The following CSNK1G3 variants were observed in gnomAD, a reference collection of about 807,000 sequenced individuals.
The protein encoded by CSNK1G3 is casein kinase 1 gamma 3, also known as casein kinase I isoform gamma-3.
Under a neutral mutation model 64.3 loss-of-function variants are expected in CSNK1G3, and 23 were observed. The ratio of observed to expected loss-of-function variants is 0.36; its 90% CI spans 0.26 to 0.51. The LOEUF (loss-of-function observed/expected upper bound fraction) is 0.51. Among genes scored for constraint, CSNK1G3 ranks in the 20% least tolerant of loss-of-function variants. The pLI is 0.96. For synonymous variants in CSNK1G3, 158 were observed against 162.2 expected (o/e 0.97, Z 0.20); for missense variants, 357 against 510.5 (o/e 0.70, Z 2.90).
rs547201882 is a variant in CSNK1G3, at chr5:123,521,744, T to A, written c.-248+9174T>A. On this transcript the variant is annotated intron_variant, in intron 1 of 12. Transcript: ENST00000345990. Reference sequence around the variant, plus strand: ...TAAAGATAGTTCATGCAGTCCTTGCTATGGGCTGGGAATGCTAACATTTAA... The same window carrying A: ...TAAAGATAGTTCATGCAGTCCTTGCAATGGGCTGGGAATGCTAACATTTAA... Among the ~76,000 whole-genome samples, 3 of 152,302 alleles carry A rather than the reference T, an allele frequency of 2.0e-5. No homozygotes were observed. In the South Asian group the frequency reaches 6.2e-4, roughly 32 times the overall value.
chr5:123,578,207 A>T (rs1182488143), intron 6 of CSNK1G3, among the ~76,000 whole-genome samples: 19 of 151,916 alleles, frequency 1.3e-4, no homozygotes, highest in Non-Finnish European at 1.5e-5. Context: ...GTCCTATGGC[A>T]GGTATTATTT....
chr5:123,552,343 A>G (rs1374483544), intron 2 of CSNK1G3, among the ~76,000 whole-genome samples: 3 of 151,930 alleles, frequency 2.0e-5, no homozygotes, highest in Non-Finnish European at 4.4e-5. Context: ...ACAGGATTTC[A>G]CCATGCTGGT....
At chr5:123,527,356 C>CA (rs1433724106) in intron 1 of CSNK1G3, among the ~76,000 whole-genome samples, 2 of 152,124 alleles carry the variant, frequency 1.3e-5, no homozygotes, top group African/African-American at 4.8e-5. Flanking sequence ...TTAAGGCTTT[C>CA]ATAGTTTGGA....
intron 10 of CSNK1G3, among the ~76,000 whole-genome samples, chr5:123,593,228 CAT>C (rs1554081856): frequency 3.4e-5 from 5 of 147,848 alleles, no homozygotes; most frequent in African/African-American, 7.5e-5. Flanking sequence ...CACACACACA[CAT>C]ATATATAATA....
intron 3 of CSNK1G3, among the ~76,000 whole-genome samples, chr5:123,553,855 T>C (rs1255778744): frequency 6.6e-6 from 1 of 152,234 alleles, no homozygotes; most frequent in African/African-American, 2.4e-5. Context: ...TTAGGTCCTA[T>C]TGTTTATAGA....
intron 1 of CSNK1G3, among the ~76,000 whole-genome samples, chr5:123,533,651 T>C (rs1780318848): frequency 6.6e-6 from 1 of 151,772 alleles, no homozygotes; most frequent in Non-Finnish European, 1.5e-5. Context: ...CCCCACTTTG[T>C]TCTTGTTTAT....
At chr5:123,593,200 TATAC>T (rs1193505035) in intron 10 of CSNK1G3, among the ~76,000 whole-genome samples, 9 of 91,748 alleles carry the variant, frequency 9.8e-5, no homozygotes, top group African/African-American at 3.2e-4. Flanking sequence ...TGTGTGTATA[TATAC>T]ACACACACAC....
Position 123,573,373 on chromosome 5 carries a change from G to A in CSNK1G3, c.290-20G>A. The A allele has an allele frequency of 6.2e-7, 1 of 1,609,602 alleles. No individual in the cohort carries two copies. Among genetic ancestry groups the A allele is most frequent in the African/African-American group, 1.3e-5 (1 of 74,916 alleles). The stretch of plus-strand genomic sequence containing the variant: ...ATTTAAGATGATGAAATTATTAAAT[G>A]AGTATTTCTTTTCCCCCAGATGGTA... On this transcript the variant is annotated intron_variant, in intron 4 of 12. Transcript: ENST00000345990.
chr5:123,574,618 C>G (rs894661322), intron 5 of CSNK1G3, among the ~76,000 whole-genome samples: 6 of 151,338 alleles, frequency 4.0e-5, no homozygotes, highest in African/African-American at 1.2e-4. Flanking sequence ...CCCAGGAGTT[C>G]AAGATCAATC....
intron 6 of CSNK1G3, among the ~76,000 whole-genome samples, chr5:123,581,203 A>T (rs887157395): frequency 6.6e-6 from 1 of 151,400 alleles, no homozygotes. Flanking sequence ...TATTTTCTTG[A>T]TGTTTCAGGG....
rs191990551 is a variant in CSNK1G3 at position 123,612,082 on chromosome 5, T to C, written c.1218-2260T>C. 1.4e-3 allele frequency among the ~76,000 whole-genome samples: 217 copies of C among 152,350 alleles called. 2 individuals carry two copies. The highest frequency in any genetic ancestry group is 5.1e-3 in the African/African-American group (211 of 41,584). ...CTTCTCTAGGCTCTTGACTGGGTAA[T>C]CCATTTCAGTTCTTTCTGCTAGTCA... On this transcript the variant is annotated intron_variant, in intron 12 of 12. Transcript: ENST00000345990.
At chr5:123,574,148 C>A (rs892076956) in intron 5 of CSNK1G3, among the ~76,000 whole-genome samples, 1 of 152,094 alleles carries the variant, frequency 6.6e-6, no homozygotes, top group Non-Finnish European at 1.5e-5. Context: ...CGTGCCGGGC[C>A]AGAAACATGG....
chr5:123,569,812 C>G (rs1250484221), intron 4 of CSNK1G3, among the ~76,000 whole-genome samples: 1 of 121,040 alleles, frequency 8.3e-6, no homozygotes, highest in Admixed American at 8.1e-5. Flanking sequence ...TTCTCTTGCT[C>G]TCAGTCATTA....
intron 1 of CSNK1G3, among the ~76,000 whole-genome samples, chr5:123,537,729 A>T (rs1042915109): frequency 6.6e-6 from 1 of 152,132 alleles, no homozygotes; most frequent in Non-Finnish European, 1.5e-5. Flanking sequence ...TAGATTTTAA[A>T]TATAGTTTGA....
Position 123,581,487 on chromosome 5 carries a change from C to T in CSNK1G3, c.673+5524C>T, listed in dbSNP as rs75949525. Among the ~76,000 whole-genome samples the T allele has an allele frequency of 4.3e-3, 636 of 148,354 alleles. 5 individuals carry two copies. Among genetic ancestry groups the T allele is most frequent in the Non-Finnish European group, 5.7e-3 (382 of 67,210 alleles). Reference sequence around the variant, plus strand: ...TTTGATTTACTTCTTTTGACCTTGTCACCAAACTTACAAGAATTATGTCTA... The same window carrying T: ...TTTGATTTACTTCTTTTGACCTTGTTACCAAACTTACAAGAATTATGTCTA... On this transcript the variant is annotated intron_variant, in intron 6 of 12. Transcript: ENST00000345990.
chr5:123,580,516 A>C (rs1790042089), intron 6 of CSNK1G3, among the ~76,000 whole-genome samples: 1 of 151,958 alleles, frequency 6.6e-6, no homozygotes, highest in East Asian at 1.9e-4. Context: ...ATAGCTGCTT[A>C]AGTCTCTGTC....
At chr5:123,512,806 G>A (rs1776455273) in intron 1 of CSNK1G3, among the ~76,000 whole-genome samples, 3 of 151,692 alleles carry the variant, frequency 2.0e-5, no homozygotes, top group Admixed American at 2.0e-4. Context: ...GGCGCGGAGG[G>A]CTAGGGGGCA....
At chr5:123,532,636 C>T (rs949887443) in intron 1 of CSNK1G3, among the ~76,000 whole-genome samples, 7 of 151,660 alleles carry the variant, frequency 4.6e-5, no homozygotes, top group Admixed American at 6.6e-5. Context: ...TTATTGATGG[C>T]GTCTGTTTTC....
intron 10 of CSNK1G3, 98 bp from the exon 11 acceptor site, chr5:123,594,941 C>G (rs1793142870): frequency 2.2e-6 from 2 of 925,308 alleles, no homozygotes; most frequent in Non-Finnish European, 3.3e-6. Context: ...TTTTAAATTT[C>G]CTTTTATACG....
Sources: gnomAD v4.1 joint callset for allele counts (sites outside exome capture counted in the v4.1 genomes callset) on GRCh38, gnomAD v4.1.1 for gene constraint, MANE v1.5 for transcripts, NCBI Gene and HGNC (gene_info 2026-07-23, HGNC 2026-07-21) for gene names.